Variants in ATXN7L1 observed in about 807,000 individuals in gnomAD.
ATXN7L1 encodes the protein ataxin-7-like protein 1.
Under a neutral mutation model 70.8 loss-of-function variants are expected in ATXN7L1, and 15 were observed. That is an observed-to-expected ratio of 0.21 (90% CI 0.14 to 0.33). The LOEUF (loss-of-function observed/expected upper bound fraction) is 0.33, where lower values mean the gene tolerates loss of function less well. ATXN7L1 is among the 10% of genes least tolerant of loss of function. The pLI is 1.00. For missense variants in ATXN7L1, 975 were observed against 1,097.1 expected (o/e 0.89, Z 1.57); for synonymous variants, 440 against 445.1 (o/e 0.99, Z 0.14).
In ATXN7L1 at chr7:105,790,747, C is replaced by G. The variant is rs538916525; in HGVS notation, c.251-2039G>C. Among the ~76,000 whole-genome samples the G allele has an allele frequency of 4.0e-4, 59 of 145,890 alleles. No individual in the cohort carries two copies. In the South Asian group the frequency reaches 0.013, roughly 32 times the overall value. On this transcript the variant is annotated intron_variant, in intron 2 of 11. Transcript: ENST00000419735. ...ACAAAAAAAGGTCAGTTATAGGAAA[C>G]CCATGGTCACATCTTGTGCACCATC...
intron 2 of ATXN7L1, among the ~76,000 whole-genome samples, chr7:105,833,344 C>T (rs1319869947): frequency 6.6e-6 from 1 of 152,202 alleles, no homozygotes; most frequent in African/African-American, 2.4e-5. Flanking sequence ...GCCGTAAAGG[C>T]AGGGAATTCT....
At chr7:105,772,119 G>A (rs901244405) in intron 3 of ATXN7L1, among the ~76,000 whole-genome samples, 2 of 138,924 alleles carry the variant, frequency 1.4e-5, no homozygotes, top group Admixed American at 7.7e-5. Context: ...TGTCGCCCAG[G>A]CTGAAGTGCA....
At chr7:105,742,352 G>A (rs1798105096) in intron 3 of ATXN7L1, among the ~76,000 whole-genome samples, 1 of 152,126 alleles carries the variant, frequency 6.6e-6, no homozygotes, top group African/African-American at 2.4e-5. Context: ...ATTTTCATAT[G>A]GACTCTCTCA....
intron 10 of ATXN7L1, among the ~76,000 whole-genome samples, chr7:105,613,187 C>T (rs546292114): frequency 1.3e-5 from 2 of 152,336 alleles, no homozygotes; most frequent in South Asian, 2.1e-4. Context: ...GTATCCTTCC[C>T]AGACTGCGCC....
intron 2 of ATXN7L1, among the ~76,000 whole-genome samples, chr7:105,809,037 C>A (rs1439754132): frequency 3.9e-5 from 6 of 152,172 alleles, no homozygotes; most frequent in Non-Finnish European, 4.4e-5. Context: ...TATTGCAGAG[C>A]CCTTTTATAC....
At chr7:105,636,277 C>T (rs557979003) in intron 7 of ATXN7L1, among the ~76,000 whole-genome samples, 415 of 152,206 alleles carry the variant, frequency 2.7e-3, no homozygotes, top group Non-Finnish European at 3.9e-3. Context: ...CGCCTGTAAT[C>T]CCAGCTACTT....
intron 3 of ATXN7L1, among the ~76,000 whole-genome samples, chr7:105,713,307 C>G (rs889102974): frequency 6.6e-6 from 1 of 152,168 alleles, no homozygotes; most frequent in African/African-American, 2.4e-5. Flanking sequence ...TGCAGCTGAT[C>G]AGAGAACCAC....
intron 2 of ATXN7L1, among the ~76,000 whole-genome samples, chr7:105,818,560 C>G (rs1034589717): frequency 2.0e-5 from 3 of 152,156 alleles, no homozygotes; most frequent in African/African-American, 7.2e-5. Flanking sequence ...GGCCCAAATT[C>G]AAGGCTGAAT....
chr7:105,788,515 G>A (rs1378345147), intron 3 of ATXN7L1, 89 bp downstream of exon 3: 4 of 1,071,348 alleles, frequency 3.7e-6, no homozygotes, highest in Non-Finnish European at 5.8e-6. Flanking sequence ...GACAAGACAT[G>A]GCGAGACCCT....
intron 2 of ATXN7L1, chr7:105,819,782 C>T: frequency 4.4e-6 from 3 of 676,048 alleles, no homozygotes; most frequent in South Asian, 1.4e-5. Flanking sequence ...GGCCGGGCCG[C>T]CCTGGAGCGC....
chr7:105,863,115 A>C (rs1205389250), intron 2 of ATXN7L1, among the ~76,000 whole-genome samples: 1 of 152,236 alleles, frequency 6.6e-6, no homozygotes, highest in Non-Finnish European at 1.5e-5. Context: ...AGGGAAACTG[A>C]ACAGCGGCCT....
In ATXN7L1 at chr7:105,638,471, G is replaced by T; in HGVS notation, c.1084C>A (p.Leu362Ile). 1.3e-6 allele frequency: 2 copies of T among 1,552,362 alleles called. No individual in the cohort carries two copies. Among genetic ancestry groups the T allele is most frequent in the Non-Finnish European group, 1.7e-6 (2 of 1,147,142 alleles). Residue 362 changes from leucine to isoleucine, a missense_variant, in exon 7 of 12, where the codon CTT becomes ATT. By Grantham distance (5) the Leu-to-Ile change is conservative. This residue lies in a region of ATXN7L1 where 635 missense variants were observed against 699.4 expected (regional missense o/e 0.91). Transcript: ENST00000419735. ...TGTGCCGGCCCGGATTGGCTTGGAAGTATTTCCCTCGTGGAAGTCAGGAGA... is the reference window on the plus strand; with the variant it reads ...TGTGCCGGCCCGGATTGGCTTGGAATTATTTCCCTCGTGGAAGTCAGGAGA... ...EHLLTSTREI[L>I]PSQSGPAQDS...
At chr7:105,680,110 C>T (rs1805338868) in intron 3 of ATXN7L1, among the ~76,000 whole-genome samples, 1 of 150,568 alleles carries the variant, frequency 6.6e-6, no homozygotes, top group Non-Finnish European at 1.5e-5. Context: ...CTTTAAGACA[C>T]AAAAGTATTC....
At chr7:105,640,976 AC>A (rs756776262) in intron 5 of ATXN7L1, among the ~76,000 whole-genome samples, 1 of 152,210 alleles carries the variant, frequency 6.6e-6, no homozygotes, top group Non-Finnish European at 1.5e-5. Context: ...TAGCTGGAAA[AC>A]TGTCTGAAAT....
In ATXN7L1 at chr7:105,722,606, C is replaced by A. The variant is rs1292804476; in HGVS notation, c.356-57318G>T. ...AAAAAAAAAAAAAAAAAAGGTTGGG[C>A]TGTGGCTTACGCCTGTAATCCCAGC... On this transcript the variant is annotated intron_variant, in intron 3 of 11. Transcript: ENST00000419735. Among the ~76,000 whole-genome samples, 18 of 103,354 alleles carry A rather than the reference C, an allele frequency of 1.7e-4. No homozygotes were observed. The Admixed American group carries it at 2.2e-3, about 13-fold the overall frequency. 67.8% of individuals were successfully genotyped at this position (103,354 alleles called of 152,430 possible).
Position 105,655,298 on chromosome 7 carries a change from T to G in ATXN7L1, c.578+9768A>C, listed in dbSNP as rs192482523. 1.2e-4 allele frequency among the ~76,000 whole-genome samples: 19 copies of G among 152,298 alleles called. 1 individual carries two copies. The highest frequency in any genetic ancestry group is 4.3e-4 in the African/African-American group (18 of 41,558). On this transcript the variant is annotated intron_variant, in intron 4 of 11. Transcript: ENST00000419735. ...GCCGCAGCCCCCACATGCTTCAATA[T>G]TCTGGTCTGTCTACCTTCCCACCCT...
chr7:105,631,057 T>C (rs531192909), intron 7 of ATXN7L1, among the ~76,000 whole-genome samples: 5 of 152,184 alleles, frequency 3.3e-5, no homozygotes, highest in Non-Finnish European at 5.9e-5. Flanking sequence ...AGAAGGGCTG[T>C]GAAGGCGAGT....
chr7:105,826,563 T>C (rs1030746785), intron 2 of ATXN7L1, among the ~76,000 whole-genome samples: 1 of 152,036 alleles, frequency 6.6e-6, no homozygotes, highest in African/African-American at 2.4e-5. Context: ...AAATGTGCAA[T>C]AAGGGAGTCT....
intron 4 of ATXN7L1, among the ~76,000 whole-genome samples, chr7:105,655,865 C>T (rs1209368083): frequency 2.0e-5 from 3 of 152,104 alleles, no homozygotes; most frequent in Non-Finnish European, 4.4e-5. Context: ...AGAGGGAGCC[C>T]TCCCCCACCT....
Sources: gnomAD v4.1 joint callset for allele counts (sites outside exome capture counted in the v4.1 genomes callset) on GRCh38, gnomAD v4.1.1 for gene constraint, gnomAD v4.1.1 regional missense constraint, MANE v1.5 for transcripts, NCBI Gene and HGNC (gene_info 2026-07-23, HGNC 2026-07-21) for gene names.